The following SAMM50 variants were observed in gnomAD, a reference collection of about 807,000 sequenced individuals.
SAMM50 encodes SAMM50 sorting and assembly machinery component, also known as sorting and assembly machinery component 50 homolog.
In SAMM50, 47 loss-of-function variants were observed where a neutral mutation model predicts 66.9. The observed-to-expected ratio is 0.70, with a 90% CI of 0.56 to 0.90. SAMM50 has a LOEUF of 0.90. SAMM50 is among the 40% of genes least tolerant of loss of function. SAMM50 has a pLI of 0.00. For synonymous variants in SAMM50, 191 were observed against 214.1 expected, an observed-to-expected ratio of 0.89 and a Z score of 0.94; for missense variants, 535 against 595.3, an observed-to-expected ratio of 0.90 and a Z score of 1.05.
chr22:43,988,873 C>T, intron 12 of SAMM50: 1 of 396,660 alleles, frequency 2.5e-6, no homozygotes, highest in Non-Finnish European at 4.5e-6. Context: ...TCCTCAACGA[C>T]ATTGGCTTTG....
At position 43,957,279 on chromosome 22, in the gene SAMM50, C is replaced by T. The variant is rs181063574; in HGVS notation, c.21+1681C>T. On this transcript the variant is annotated intron_variant, in intron 1 of 14. Transcript: ENST00000350028. ...ACAATGGCATGATTCGTGCCAAATT[C>T]TGAAGCAATCTTCCTGCTAAGGCTG... The T allele has an allele frequency of 1.1e-5, 7 of 658,230 alleles. No homozygotes were observed. In the African/African-American group the frequency reaches 1.3e-4, roughly 12 times the overall value. 40.8% of individuals were successfully genotyped at this position (658,230 alleles called of 1,614,324 possible). A position where few individuals can be genotyped will look rare whatever the true frequency, so the allele number is the denominator to read the frequency against.
chr22:43,959,783 G>T (rs2050139320), intron 1 of SAMM50, among the ~76,000 whole-genome samples: 2 of 152,144 alleles, frequency 1.3e-5, no homozygotes, highest in South Asian at 2.1e-4. Flanking sequence ...ATAAGTGCTT[G>T]TCACACAGTA....
At chr22:43,958,904 C>T (rs915702208) in intron 1 of SAMM50, among the ~76,000 whole-genome samples, 7 of 152,024 alleles carry the variant, frequency 4.6e-5, no homozygotes, top group African/African-American at 1.7e-4. Flanking sequence ...TTGATCAAGA[C>T]TCAAACAGTA....
At chr22:43,967,989 A>G (rs564148355) in intron 3 of SAMM50, among the ~76,000 whole-genome samples, 2 of 152,260 alleles carry the variant, frequency 1.3e-5, no homozygotes, top group Non-Finnish European at 1.5e-5. Context: ...TGGGAGGCTG[A>G]GGCAGGTGGA....
At chr22:43,960,280 C>T (rs549553055) in intron 1 of SAMM50, among the ~76,000 whole-genome samples, 1 of 152,276 alleles carries the variant, frequency 6.6e-6, no homozygotes, top group Non-Finnish European at 1.5e-5. Context: ...ATCTTCCTTA[C>T]CCACAAGGAC....
At chr22:43,958,769 G>A (rs530320960) in intron 1 of SAMM50, among the ~76,000 whole-genome samples, 7 of 152,084 alleles carry the variant, frequency 4.6e-5, no homozygotes, top group Admixed American at 2.0e-4. Flanking sequence ...GAGCCATTGC[G>A]CCTAGCCTGT....
intron 9 of SAMM50, among the ~76,000 whole-genome samples, chr22:43,977,115 T>C (rs1470625789): frequency 6.6e-6 from 1 of 152,186 alleles, no homozygotes; most frequent in Non-Finnish European, 1.5e-5. Flanking sequence ...TGACTTGGTG[T>C]TACCTGGGAG....
In SAMM50 at chr22:43,989,136, C is replaced by T; in HGVS notation, c.1101C>T (p.Tyr367=). 6.2e-7 allele frequency: 1 copy of T among 1,614,046 alleles called. No homozygotes were observed. ...GAGACTACCTAGGTGGAGAAGCGTA[C>T]TGGGCCGGCGGCCTGCACCTCTACA... is the stretch of plus-strand genomic sequence containing the variant. ...SEGDYLGGEA[Y]WAGGLHLYTP... The change falls in exon 13 of 15, where the codon TAC becomes TAT. Residue 367 remains tyrosine, a synonymous_variant. Transcript: ENST00000350028.
chr22:43,984,352 G>A (rs1245225202), intron 12 of SAMM50, among the ~76,000 whole-genome samples: 1 of 152,088 alleles, frequency 6.6e-6, no homozygotes, highest in Non-Finnish European at 1.5e-5. Context: ...TCGCCCTGTT[G>A]CCTAGGCTGG....
At chr22:43,957,162 T>G in intron 1 of SAMM50, 1 of 758,276 alleles carries the variant, frequency 1.3e-6, no homozygotes, top group East Asian at 2.5e-5. Context: ...TTTGGGCTCA[T>G]GTATACAAAG....
intron 12 of SAMM50, among the ~76,000 whole-genome samples, chr22:43,984,308 G>T (rs2050280315): frequency 6.6e-6 from 1 of 151,952 alleles, no homozygotes; most frequent in Non-Finnish European, 1.5e-5. Context: ...CTCTTCCTTT[G>T]TTTACATATT....
intron 4 of SAMM50, among the ~76,000 whole-genome samples, chr22:43,971,275 C>T (rs1285048729): frequency 2.0e-5 from 3 of 152,242 alleles, no homozygotes; most frequent in Non-Finnish European, 4.4e-5. Flanking sequence ...CCAGATGCGT[C>T]TAGATGTCCA....
intron 6 of SAMM50, 115 bp from the exon 7 acceptor site, chr22:43,973,121 T>G: frequency 7.2e-7 from 1 of 1,394,332 alleles, no homozygotes; most frequent in Non-Finnish European, 1.0e-6. Context: ...CCACATGCTG[T>G]AGATTTCCTC....
intron 4 of SAMM50, 46 bp from the exon 5 acceptor site, chr22:43,972,190 A>G (rs760406492): frequency 7.9e-7 from 1 of 1,268,584 alleles, no homozygotes; most frequent in Non-Finnish European, 1.1e-6. Context: ...AACCCAAAGT[A>G]AAATAACATC....
intron 14 of SAMM50, among the ~76,000 whole-genome samples, chr22:43,991,243 TG>T (rs2050323247): frequency 6.6e-6 from 1 of 151,786 alleles, no homozygotes; most frequent in Non-Finnish European, 1.5e-5. Context: ...CCCAAAGTGC[TG>T]GGATTATAGG....
At chr22:43,957,792 C>T in intron 1 of SAMM50, among the ~76,000 whole-genome samples, 1 of 149,612 alleles carries the variant, frequency 6.7e-6, no homozygotes, top group Non-Finnish European at 1.5e-5. Context: ...CAGAGTCTTG[C>T]TCTGTGCCCA....
intron 10 of SAMM50, 82 bp downstream of exon 10, chr22:43,978,040 T>G (rs2050242184): frequency 7.6e-6 from 7 of 919,460 alleles, no homozygotes; most frequent in Admixed American, 2.1e-5. Flanking sequence ...CTCCTGAATA[T>G]CTAAAGCACA....
At chr22:43,966,651 C>T (rs1023920270) in intron 3 of SAMM50, among the ~76,000 whole-genome samples, 2 of 152,124 alleles carry the variant, frequency 1.3e-5, no homozygotes, top group African/African-American at 2.4e-5. Context: ...CCACTGCACC[C>T]GGCCCACAAG....
At chr22:43,966,778 GTATTTATTTAAT>G (rs2050175623) in intron 3 of SAMM50, among the ~76,000 whole-genome samples, 1 of 149,768 alleles carries the variant, frequency 6.7e-6, no homozygotes, top group Admixed American at 6.7e-5. Flanking sequence ...GTTTTAAATT[GTATTTATTTAAT>G]TATGAATGAG....
Sources: allele counts gnomAD v4.1 joint callset (sites outside exome capture counted in the v4.1 genomes callset), GRCh38; gene constraint gnomAD v4.1.1; transcripts MANE v1.5; gene names NCBI Gene and HGNC (gene_info 2026-07-23, HGNC 2026-07-21).